ANKRD17: variants seen among roughly 807,000 people sequenced by gnomAD.
ANKRD17 encodes ankyrin repeat domain-containing protein 17.
In ANKRD17, 19 loss-of-function variants were observed where a neutral mutation model predicts 229.7. The observed-to-expected ratio is 0.08, with a 90% CI of 0.06 to 0.12. The LOEUF is 0.12. Ranked by LOEUF, ANKRD17 falls within the 10% of genes least tolerant of loss-of-function variation. The pLI is 1.00. For synonymous variants in ANKRD17, 1,112 were observed against 1,146.1 expected, an observed-to-expected ratio of 0.97 and a Z score of 0.60; for missense variants, 2,176 against 3,176.8, an observed-to-expected ratio of 0.68 and a Z score of 7.57.
intron 1 of ANKRD17, among the ~76,000 whole-genome samples, chr4:73,197,662 T>C (rs1296015957): frequency 6.6e-6 from 1 of 152,050 alleles, no homozygotes; most frequent in Non-Finnish European, 1.5e-5. Flanking sequence ...AAGACCCATC[T>C]CTATTAAAAA....
At chr4:73,246,150 A>G (rs1202757144) in intron 1 of ANKRD17, among the ~76,000 whole-genome samples, 1 of 152,218 alleles carries the variant, frequency 6.6e-6, no homozygotes. Flanking sequence ...CATTCCTCTC[A>G]TAGAGGAAAA....
At chr4:73,190,919 G>C (rs570254742) in intron 1 of ANKRD17, among the ~76,000 whole-genome samples, 1 of 152,156 alleles carries the variant, frequency 6.6e-6, no homozygotes, top group African/African-American at 2.4e-5. Context: ...AAAAACACCT[G>C]AAGAAATGGA....
chr4:73,096,018 T>C (rs1723262229), intron 27 of ANKRD17, among the ~76,000 whole-genome samples: 1 of 152,156 alleles, frequency 6.6e-6, no homozygotes, highest in Non-Finnish European at 1.5e-5. Flanking sequence ...GATTAAACAA[T>C]ATTTCTAAAA....
chr4:73,073,422 T>C lies in ANKRD17; in HGVS notation c.*2809A>G, dbSNP rs948028251. Reference sequence around the variant, plus strand: ...TAAACTAGAGGATCTGAAGAGATTTTATAACTTTGAGTTTTCCTGTTTAGT... The same window carrying C: ...TAAACTAGAGGATCTGAAGAGATTTCATAACTTTGAGTTTTCCTGTTTAGT... On this transcript the variant is annotated 3_prime_UTR_variant, in exon 34 of 34. Transcript: ENST00000358602. 7.9e-5 allele frequency: 12 copies of C among 152,106 alleles called. No homozygotes were observed. The highest frequency in any genetic ancestry group is 1.5e-4 in the Non-Finnish European group (10 of 67,952). The allele number at this position is 152,106 out of a possible 1,614,324, so 9.4% of individuals were successfully genotyped here. A position where few individuals can be genotyped will look rare whatever the true frequency, so the allele number is the denominator to read the frequency against.
intron 1 of ANKRD17, among the ~76,000 whole-genome samples, chr4:73,203,774 A>AAAAAAG (rs1560716581): frequency 4.0e-5 from 6 of 150,990 alleles, no homozygotes; most frequent in African/African-American, 9.7e-5. Context: ...AAAAAAAAAA[A>AAAAAAG]AAAAAGAAAA....
chr4:73,078,055 G>A (rs773329800), intron 31 of ANKRD17, among the ~76,000 whole-genome samples: 6 of 151,836 alleles, frequency 4.0e-5, no homozygotes, highest in Non-Finnish European at 7.4e-5. Flanking sequence ...TTTGATACCA[G>A]CCTGATCAAC....
intron 1 of ANKRD17, among the ~76,000 whole-genome samples, chr4:73,250,979 T>C (rs1156421112): frequency 6.6e-6 from 1 of 152,070 alleles, no homozygotes; most frequent in Non-Finnish European, 1.5e-5. Context: ...ACTTAAAAAC[T>C]AACCCCAGGC....
At chr4:73,167,513 C>T (rs1006846355) in intron 2 of ANKRD17, among the ~76,000 whole-genome samples, 1 of 152,184 alleles carries the variant, frequency 6.6e-6, no homozygotes, top group Non-Finnish European at 1.5e-5. Flanking sequence ...CTTGGGGCCA[C>T]AGAAAACAAA....
chr4:73,165,861 A>T (rs767127777), intron 2 of ANKRD17, among the ~76,000 whole-genome samples: 3 of 152,220 alleles, frequency 2.0e-5, no homozygotes, highest in Non-Finnish European at 2.9e-5. Flanking sequence ...CATAAAAAAA[A>T]TCAGGATCTT....
chr4:73,196,391 A>G (rs2149087967), intron 1 of ANKRD17, among the ~76,000 whole-genome samples: 1 of 152,218 alleles, frequency 6.6e-6, no homozygotes, highest in South Asian at 2.1e-4. Context: ...CTAGTTTCTT[A>G]AGTTGGAAAT....
At chr4:73,087,924 GA>G (rs1483432912) in intron 29 of ANKRD17, among the ~76,000 whole-genome samples, 1 of 151,606 alleles carries the variant, frequency 6.6e-6, no homozygotes, top group African/African-American at 2.4e-5. Flanking sequence ...CAAGACAAGA[GA>G]GGGGGAAGAA....
At position 73,258,654 on chromosome 4, in the gene ANKRD17, C is replaced by A; in HGVS notation, c.15G>T (p.Thr5=). 2 of 1,482,718 alleles carry A rather than the reference C, an allele frequency of 1.3e-6. No homozygotes were observed. Among genetic ancestry groups the A allele is most frequent in the Non-Finnish European group, 1.8e-6 (2 of 1,125,530 alleles). The allele number at this position is 1,482,718 out of a possible 1,614,324, so 91.8% of individuals were successfully genotyped here. Residue 5 remains threonine (T), a synonymous_variant, in exon 1 of 34, where the codon ACG becomes ACT. Coordinates refer to ENST00000358602, the MANE Select transcript of ANKRD17 (RefSeq NM_032217.5). The part of the protein sequence containing the change: MEKA[T]VPVAAATAAE... ...CAGCCGTCGCCGCCGCCACCGGAAC[C>A]GTCGCCTTCTCCATCCCCAGGGAAA...
At chr4:73,256,014 C>A (rs578031111) in intron 1 of ANKRD17, among the ~76,000 whole-genome samples, 5 of 152,346 alleles carry the variant, frequency 3.3e-5, no homozygotes, top group South Asian at 2.1e-4. Context: ...GCGTGAGCTA[C>A]CACGCCCGGC....
intron 8 of ANKRD17, 90 bp from the exon 9 acceptor site, chr4:73,147,522 T>G (rs1730443882): frequency 1.8e-6 from 2 of 1,089,358 alleles, no homozygotes; most frequent in African/African-American, 1.6e-5. Context: ...AACTGAATCT[T>G]TAAAATGAAC....
At chr4:73,115,763 A>C (rs1725864592) in intron 23 of ANKRD17, 58 bp downstream of exon 23, 1 of 1,335,666 alleles carries the variant, frequency 7.5e-7, no homozygotes. Context: ...GAATTCTTAG[A>C]ATGGAAGATA....
chr4:73,233,102 C>T (rs544627852), intron 1 of ANKRD17, among the ~76,000 whole-genome samples: 16 of 152,098 alleles, frequency 1.1e-4, no homozygotes, highest in Non-Finnish European at 1.9e-4. Flanking sequence ...AGGCACAAGA[C>T]GAACCATAAG....
intron 25 of ANKRD17, 129 bp from the exon 26 acceptor site, chr4:73,098,649 A>C: frequency 2.1e-6 from 2 of 939,788 alleles, no homozygotes; most frequent in Non-Finnish European, 3.2e-6. Context: ...AGTTATTCTC[A>C]CATTCATCGG....
At chr4:73,121,569 T>A (rs1353020553) in intron 19 of ANKRD17, 48 bp downstream of exon 19, 1 of 1,605,674 alleles carries the variant, frequency 6.2e-7, no homozygotes, top group Admixed American at 1.7e-5. Context: ...CAAATATCTA[T>A]AACAGTCTTA....
Position 73,254,954 on chromosome 4 carries a change from T to C in ANKRD17, c.393+3322A>G, listed in dbSNP as rs546352272. On this transcript the variant is annotated intron_variant, in intron 1 of 33. Transcript: ENST00000358602. ...CTAATTTGAAAGAGCATCATGGCTT[T>C]TATGTTAGAAAATATATTTGTATTT... 1.2e-4 allele frequency among the ~76,000 whole-genome samples: 18 copies of C among 152,294 alleles called. No individual in the cohort carries two copies. In the South Asian group the frequency reaches 3.5e-3, roughly 30 times the overall value.
Sources: gnomAD v4.1 joint callset for allele counts (sites outside exome capture counted in the v4.1 genomes callset) on GRCh38, gnomAD v4.1.1 for gene constraint, MANE v1.5 for transcripts, NCBI Gene and HGNC (gene_info 2026-07-23, HGNC 2026-07-21) for gene names.